The following CCDC73 variants were observed in gnomAD, a reference collection of about 807,000 sequenced individuals.
CCDC73 encodes coiled-coil domain-containing protein 73.
In CCDC73, 95 loss-of-function variants were observed where a neutral mutation model predicts 116.5. The observed-to-expected ratio is 0.82, with a 90% CI of 0.69 to 0.97. The LOEUF is 0.97. Ranked by LOEUF, CCDC73 falls within the 50% of genes least tolerant of loss-of-function variation. The pLI is 0.00. For synonymous variants in CCDC73, 398 were observed against 401.3 expected (o/e 0.99, Z 0.10); for missense variants, 1,066 against 1,206.8 (o/e 0.88, Z 1.73).
chr11:32,819,406 A>G, the CCDC73 span, among the ~76,000 whole-genome samples: 1 of 152,170 alleles, frequency 6.6e-6, no homozygotes, highest in Non-Finnish European at 1.5e-5. Flanking sequence ...CTAATGGGGA[A>G]CTTAAAGAAC....
chr11:32,684,249 C>T (rs1017241884), intron 6 of CCDC73, among the ~76,000 whole-genome samples: 2 of 151,984 alleles, frequency 1.3e-5, no homozygotes, highest in African/African-American at 4.8e-5. Flanking sequence ...GACAGGGTCC[C>T]ACTATGTTGC....
At position 32,758,502 on chromosome 11, in the gene CCDC73, G is replaced by C. The variant is rs530001247; in HGVS notation, c.135+1607C>G. 6.5e-6 allele frequency: 3 copies of C among 462,168 alleles called. No individual in the cohort carries two copies. In the East Asian group the frequency reaches 1.7e-4, roughly 26 times the overall value. 28.6% of individuals were successfully genotyped at this position (462,168 alleles called of 1,614,324 possible). A position where few individuals can be genotyped will look rare whatever the true frequency, so the allele number is the denominator to read the frequency against. ...AAATGTGTCAGCAGAGCCTATGGTG[G>C]TTCCATGTATGCTAATTGTGTCCAT... On this transcript the variant is annotated intron_variant, in intron 2 of 17. Transcript: ENST00000335185.
intron 3 of CCDC73, among the ~76,000 whole-genome samples, chr11:32,705,313 T>C (rs1849846074): frequency 1.3e-5 from 2 of 152,210 alleles, no homozygotes; most frequent in African/African-American, 2.4e-5. Flanking sequence ...AAGTGAGAGC[T>C]GTGAGTAGTG....
At chr11:32,817,213 C>A in the CCDC73 span, among the ~76,000 whole-genome samples, 1 of 152,180 alleles carries the variant, frequency 6.6e-6, no homozygotes, top group Non-Finnish European at 1.5e-5. Context: ...TTTTTTTAAA[C>A]GTCAACGCAA....
In CCDC73 at chr11:32,683,646, G is replaced by A. The variant is rs994585817; in HGVS notation, c.391-72C>T. ...TACACAAATTCCTCTGATATCAAAA[G>A]TGCGTGCTATAAAATGTGGCATGTA... On this transcript the variant is annotated intron_variant, in intron 6 of 17. Coordinates refer to ENST00000335185, the MANE Select transcript of CCDC73 (RefSeq NM_001008391.4). 14 of 891,456 alleles carry A rather than the reference G, an allele frequency of 1.6e-5. No homozygotes were observed. In the African/African-American group the frequency reaches 2.3e-4, roughly 15 times the overall value. The allele number at this position is 891,456 out of a possible 1,614,324, so 55.2% of individuals were successfully genotyped here. A position where few individuals can be genotyped will look rare whatever the true frequency, so the allele number is the denominator to read the frequency against.
chr11:32,726,814 T>G (rs898631653), intron 2 of CCDC73, among the ~76,000 whole-genome samples: 4 of 152,050 alleles, frequency 2.6e-5, no homozygotes, highest in African/African-American at 9.7e-5. Flanking sequence ...TACCCAAATA[T>G]TCTTAAAAGA....
chr11:32,699,494 TGATA>T (rs1165797475), intron 5 of CCDC73, among the ~76,000 whole-genome samples, 169 bp from the exon 6 acceptor site: 3 of 152,028 alleles, frequency 2.0e-5, no homozygotes, highest in Non-Finnish European at 4.4e-5. Context: ...AAAATCTCAA[TGATA>T]GACTGGATTA....
At position 32,615,943 on chromosome 11, in the gene CCDC73, C is replaced by A; in HGVS notation, c.1372G>T (p.Asp458Tyr). 1 of 1,544,022 alleles carries A rather than the reference C, an allele frequency of 6.5e-7. No homozygotes were observed. Among genetic ancestry groups the A allele is most frequent in the Non-Finnish European group, 8.8e-7 (1 of 1,130,442 alleles). Residue 458 changes from aspartate to tyrosine, a missense_variant, in exon 15 of 18, where the codon GAT (aspartate) becomes TAT (tyrosine). By Grantham distance (160) the Asp-to-Tyr change is radical. Coordinates refer to ENST00000335185, the MANE Select transcript of CCDC73 (RefSeq NM_001008391.4). ...ATCAATATAATTTTAAGGTTACCATCTATAATTATTTCCTCTATAAATGAG... is the reference window on the plus strand; with the variant it reads ...ATCAATATAATTTTAAGGTTACCATATATAATTATTTCCTCTATAAATGAG... ...EGSFIEEIIIDDLQLFEKSFK... is the reference protein window; with the variant it reads ...EGSFIEEIIIYDLQLFEKSFK...
chr11:32,603,173 A>C (rs1275895884), intron 17 of CCDC73, 153 bp from the exon 18 acceptor site: 1 of 599,030 alleles, frequency 1.7e-6, no homozygotes. Flanking sequence ...AAAAGTATAC[A>C]ATGTGAATGT....
intron 14 of CCDC73, among the ~76,000 whole-genome samples, chr11:32,622,885 T>C (rs142011255): frequency 1.3e-5 from 2 of 151,382 alleles, no homozygotes; most frequent in African/African-American, 4.9e-5. Context: ...CGAAATATAA[T>C]AGAAGAAAAG....
rs547404736 is a variant in CCDC73, at chr11:32,679,322, A to C, written c.430-3301T>G. On this transcript the variant is annotated intron_variant, in intron 7 of 17. Transcript: ENST00000335185. The stretch of plus-strand genomic sequence containing the variant: ...AGAAACCTAACACAATTTCACTGAA[A>C]ACTGGGTTAATGGCATTTTTTCAAT... Among the ~76,000 whole-genome samples, 12 of 152,216 alleles carry C rather than the reference A, an allele frequency of 7.9e-5. No individual in the cohort carries two copies. The South Asian group carries it at 1.9e-3, about 24-fold the overall frequency.
rs765831884 is a variant in CCDC73, at chr11:32,675,651, CATGAAAGACATTT to C, written c.566-20_566-8del. On this transcript the variant is annotated splice_polypyrimidine_tract_variant and splice_region_variant and intron_variant, in intron 8 of 17. Transcript: ENST00000335185. The stretch of plus-strand genomic sequence containing the variant: ...GATTGTATTGCTTCCCGTACTGCAA[CATGAAAGACATTT>C]AAGAAAGCATTATATTCAATGTATA... The C allele has an allele frequency of 6.4e-7, 1 of 1,571,908 alleles. No homozygotes were observed. The highest frequency in any genetic ancestry group is 2.0e-5 in the Admixed American group (1 of 50,252).
chr11:32,606,322 A>G (rs1291626551), intron 17 of CCDC73: 1 of 152,260 alleles, frequency 6.6e-6, no homozygotes, highest in Non-Finnish European at 1.5e-5. Context: ...AAAGTGCCAG[A>G]GTAAATATTT....
intron 2 of CCDC73, among the ~76,000 whole-genome samples, chr11:32,757,775 T>C (rs1002331740): frequency 6.6e-6 from 1 of 152,194 alleles, no homozygotes; most frequent in Non-Finnish European, 1.5e-5. Context: ...TTTCTCAGAC[T>C]CTGATTCTCC....
chr11:32,744,182 T>C (rs866263449), intron 2 of CCDC73, among the ~76,000 whole-genome samples: 8 of 152,244 alleles, frequency 5.3e-5, no homozygotes, highest in Non-Finnish European at 1.2e-4. Flanking sequence ...GTTTATGTCA[T>C]TTGTTCTGTT....
intron 2 of CCDC73, among the ~76,000 whole-genome samples, chr11:32,731,873 C>G (rs538584548): frequency 1.3e-5 from 2 of 152,200 alleles, no homozygotes; most frequent in Admixed American, 1.3e-4. Context: ...CAAAGGAAAG[C>G]AGCTCCTCGC....
chr11:32,741,823 C>T (rs920543061), intron 2 of CCDC73, among the ~76,000 whole-genome samples: 8 of 151,936 alleles, frequency 5.3e-5, no homozygotes, highest in Non-Finnish European at 1.0e-4. Context: ...ACCCACCCCC[C>T]ACAGGCCCCT....
chr11:32,802,002 T>C, the CCDC73 span, among the ~76,000 whole-genome samples: 1 of 152,214 alleles, frequency 6.6e-6, no homozygotes, highest in Non-Finnish European at 1.5e-5. Flanking sequence ...TATTGGATTA[T>C]TATGAGAGTC....
chr11:32,725,761 T>C (rs947210419), intron 2 of CCDC73, among the ~76,000 whole-genome samples: 1 of 152,122 alleles, frequency 6.6e-6, no homozygotes, highest in Admixed American at 6.6e-5. Flanking sequence ...AGACTGATGA[T>C]GTAGAATACA....
Sources: gnomAD v4.1 joint callset for allele counts (sites outside exome capture counted in the v4.1 genomes callset) on GRCh38, gnomAD v4.1.1 for gene constraint, MANE v1.5 for transcripts, NCBI Gene and HGNC (gene_info 2026-07-23, HGNC 2026-07-21) for gene names.